The following ZNF385D variants were observed in gnomAD, a reference collection of about 807,000 sequenced individuals.
The protein encoded by ZNF385D is zinc finger protein 385D, also known as zinc finger protein 659.
A neutral mutation model predicts 35.8 loss-of-function variants in ZNF385D; 15 were observed. The observed-to-expected ratio is 0.42, with a 90% confidence interval of 0.28 to 0.64. ZNF385D has a LOEUF of 0.64. ZNF385D is among the 30% of genes least tolerant of loss of function. The pLI is 0.23. For missense variants in ZNF385D, 474 were observed against 494.6 expected (o/e 0.96, Z 0.39); for synonymous variants, 212 against 186.8 (o/e 1.13, Z -1.10).
intron 2 of ZNF385D, among the ~76,000 whole-genome samples, chr3:22,169,256 G>C (rs1398954760): frequency 6.6e-6 from 1 of 152,088 alleles, no homozygotes; most frequent in African/African-American, 2.4e-5. Context: ...TCCCAATACT[G>C]TGCTATATGT....
intron 3 of ZNF385D, among the ~76,000 whole-genome samples, chr3:22,026,172 GAAA>G (rs1225943320): frequency 6.6e-6 from 1 of 152,022 alleles, no homozygotes; most frequent in Non-Finnish European, 1.5e-5. Context: ...TATACAAACA[GAAA>G]AAAATTCTAG....
Position 21,675,101 on chromosome 3 carries a change from A to AT in ZNF385D, c.23-10074dup, listed in dbSNP as rs1181751822. ...TTGAAGAACTAGAAAAGAAAAGCGG[A>AT]TTAAACTATCAGAGTTTATTGGAGT... On this transcript the variant is annotated intron_variant, in intron 1 of 7. Transcript: ENST00000281523. Among the ~76,000 whole-genome samples the AT allele has an allele frequency of 2.6e-4, 39 of 152,118 alleles. 1 individual carries two copies. The highest frequency in any genetic ancestry group is 1.8e-4 in the Non-Finnish European group (12 of 67,994).
chr3:22,133,785 A>G (rs1317967262), intron 3 of ZNF385D: 3 of 151,976 alleles, frequency 2.0e-5, no homozygotes, highest in Non-Finnish European at 4.4e-5. Context: ...GCTCTGCACT[A>G]AGACAAGCAG....
rs377760856 is a variant in ZNF385D, at chr3:21,707,890, G to A, written c.23-42862C>T. 2.8e-4 allele frequency among the ~76,000 whole-genome samples: 43 copies of A among 152,250 alleles called. No individual in the cohort carries two copies. The South Asian group carries it at 6.6e-3, about 23-fold the overall frequency. ...GAGAAGTGAGTAAGCAGGATTATAC[G>A]TGTGCATCTGTGCTTAGTGACCTGA... On this transcript the variant is annotated intron_variant, in intron 1 of 7. Coordinates refer to ENST00000281523, the MANE Select transcript of ZNF385D (RefSeq NM_024697.3).
intron 4 of ZNF385D, among the ~76,000 whole-genome samples, chr3:21,488,346 GAC>G (rs4045132): frequency 0.72 from 108,114 of 150,560 alleles, 38,994 homozygotes; most frequent in East Asian, 0.84. Flanking sequence ...CAGACACACA[GAC>G]ACACACACAC....
At chr3:21,664,502 A>T (rs1236834573) in intron 2 of ZNF385D, among the ~76,000 whole-genome samples, 1 of 152,208 alleles carries the variant, frequency 6.6e-6, no homozygotes, top group Non-Finnish European at 1.5e-5. Flanking sequence ...CAGATTTGGA[A>T]ATTAAAATAG....
At chr3:21,827,380 TA>T (rs1694708059) in intron 3 of ZNF385D, among the ~76,000 whole-genome samples, 1 of 152,202 alleles carries the variant, frequency 6.6e-6, no homozygotes, top group South Asian at 2.1e-4. Flanking sequence ...TATATACAGT[TA>T]AATAGATTAT....
chr3:21,478,353 A>G (rs1335988909), intron 4 of ZNF385D, among the ~76,000 whole-genome samples: 1 of 152,120 alleles, frequency 6.6e-6, no homozygotes, highest in Non-Finnish European at 1.5e-5. Flanking sequence ...TGCAACTGAC[A>G]TTAGGCCTCA....
At position 22,075,897 on chromosome 3, in the gene ZNF385D, T is replaced by C. The variant is rs78191373; in HGVS notation, c.325+92920A>G. ...CCAAACTTCGTAAATACCATCATAATCCATCCAGTTCCTTGAGTTGGATGT... is the reference window on the plus strand; with the variant it reads ...CCAAACTTCGTAAATACCATCATAACCCATCCAGTTCCTTGAGTTGGATGT... On this transcript the variant is annotated intron_variant, in intron 3 of 5. Transcript: ENST00000494108. Among the ~76,000 whole-genome samples the C allele has an allele frequency of 7.9e-3, 1,206 of 152,030 alleles. 15 individuals carry two copies. The highest frequency in any genetic ancestry group is 0.033 in the East Asian group (171 of 5,176).
chr3:22,141,173 AAAT>A (rs1381903372), intron 3 of ZNF385D, among the ~76,000 whole-genome samples: 1 of 152,178 alleles, frequency 6.6e-6, no homozygotes, highest in Non-Finnish European at 1.5e-5. Context: ...AGAGAACACA[AAAT>A]AATAACAAAT....
chr3:22,029,395 A>T (rs1697776613), intron 3 of ZNF385D, among the ~76,000 whole-genome samples: 1 of 152,210 alleles, frequency 6.6e-6, no homozygotes, highest in Admixed American at 6.5e-5. Context: ...GCAGGACTAC[A>T]AATGGTCCAG....
intron 3 of ZNF385D, among the ~76,000 whole-genome samples, chr3:21,836,733 T>G (rs1695352610): frequency 6.6e-6 from 1 of 152,128 alleles, no homozygotes; most frequent in South Asian, 2.1e-4. Context: ...TTATATACAT[T>G]TTACATATAT....
intron 3 of ZNF385D, among the ~76,000 whole-genome samples, chr3:21,825,499 G>A (rs1230627297): frequency 8.4e-6 from 1 of 119,582 alleles, no homozygotes; most frequent in South Asian, 2.8e-4. Context: ...AAAGTGTAGA[G>A]TTAGGTGGTT....
intron 5 of ZNF385D, among the ~76,000 whole-genome samples, chr3:21,430,508 A>G (rs1349704103): frequency 6.6e-6 from 1 of 152,140 alleles, no homozygotes; most frequent in African/African-American, 2.4e-5. Flanking sequence ...AGGCTGAGGG[A>G]CCCAATGGGC....
chr3:21,559,993 T>A (rs1296870516), intron 3 of ZNF385D, among the ~76,000 whole-genome samples: 3 of 152,212 alleles, frequency 2.0e-5, no homozygotes, highest in Non-Finnish European at 2.9e-5. Context: ...TCGTGCTGTA[T>A]TTTTCAGCTC....
chr3:22,284,494 CA>C (rs1389181188), intron 2 of ZNF385D, among the ~76,000 whole-genome samples: 1 of 151,910 alleles, frequency 6.6e-6, no homozygotes, highest in East Asian at 1.9e-4. Flanking sequence ...CTGTCCCCAA[CA>C]CAGGATTTTT....
At chr3:22,056,025 CAA>C (rs1232945649) in intron 3 of ZNF385D, among the ~76,000 whole-genome samples, 1 of 2,466 alleles carries the variant, frequency 4.1e-4, no homozygotes. Context: ...ATCGCAAGAA[CAA>C]AAAACCAAAC....
intron 2 of ZNF385D, among the ~76,000 whole-genome samples, chr3:22,348,684 A>AAGGGAGGG (rs545721396): frequency 7.2e-6 from 1 of 139,178 alleles, no homozygotes; most frequent in Non-Finnish European, 1.6e-5. Context: ...GAAAGAAAGG[A>AAGGGAGGG]AGGGAGGGAG....
chr3:21,767,753 A>C (rs917586264), intron 3 of ZNF385D, among the ~76,000 whole-genome samples: 1 of 152,070 alleles, frequency 6.6e-6, no homozygotes, highest in Non-Finnish European at 1.5e-5. Context: ...TTGTGATATG[A>C]ATTTATGAAA....
Sources: gnomAD v4.1 joint callset for allele counts (sites outside exome capture counted in the v4.1 genomes callset) on GRCh38, gnomAD v4.1.1 for gene constraint, MANE v1.5 for transcripts, NCBI Gene and HGNC (gene_info 2026-07-23, HGNC 2026-07-21) for gene names.